TIPRL: variants seen among roughly 807,000 people sequenced by gnomAD.
TIPRL encodes the protein TIP41-like protein.
Under a neutral mutation model 32.3 loss-of-function variants are expected in TIPRL, and 10 were observed. That is an observed-to-expected ratio of 0.31 (90% CI 0.19 to 0.52). The LOEUF (loss-of-function observed/expected upper bound fraction) is 0.52. TIPRL is among the 20% of genes least tolerant of loss of function. The probability of loss-of-function intolerance (pLI) is 0.96; values close to 1 mark genes in which losing one functional copy is unlikely to be tolerated. For missense variants in TIPRL, 250 were observed against 328.1 expected, an observed-to-expected ratio of 0.76 and a Z score of 1.84; for synonymous variants, 100 against 114.0, an observed-to-expected ratio of 0.88 and a Z score of 0.78.
intron 4 of TIPRL, among the ~76,000 whole-genome samples, chr1:168,195,044 A>C (rs1700137544): frequency 6.6e-6 from 1 of 152,244 alleles, no homozygotes; most frequent in East Asian, 1.9e-4. Flanking sequence ...AGTGAACATT[A>C]GCCGGGAGAA....
Position 168,199,903 on chromosome 1 carries a change from C to A in TIPRL, c.676C>A (p.His226Asn). 1.2e-6 allele frequency: 2 copies of A among 1,611,174 alleles called. No homozygotes were observed. The highest frequency in any genetic ancestry group is 1.7e-6 in the Non-Finnish European group (2 of 1,178,756). Residue 226 changes from histidine to asparagine, a missense_variant and splice_region_variant, in exon 7 of 7, where the codon CAT becomes AAT. His to Asn is a moderately conservative substitution (Grantham distance 68, BLOSUM62 1). Transcript: ENST00000367833. ...SRESKISSLM[H>N]VPPSLFTEPN... Reference sequence around the variant, plus strand: ...CTAATATGATTTATGTATTTCCTAGCATGTTCCACCTTCCCTCTTCACGGA... The same window carrying A: ...CTAATATGATTTATGTATTTCCTAGAATGTTCCACCTTCCCTCTTCACGGA...
At position 168,200,169 on chromosome 1, in the gene TIPRL, GA is replaced by G. The variant is rs201890300; in HGVS notation, c.*132del. 1.6e-3 allele frequency: 1,659 copies of G among 1,058,920 alleles called. 6 individuals carry two copies. Among genetic ancestry groups the G allele is most frequent in the Non-Finnish European group, 1.9e-3 (1,451 of 774,790 alleles). 65.6% of individuals were successfully genotyped at this position (1,058,920 alleles called of 1,614,324 possible). On this transcript the variant is annotated 3_prime_UTR_variant, in exon 7 of 7. Transcript: ENST00000367833. ...GTACAGATTTTCTGTAGCCTTAAAG[GA>G]AAAAAAAATAAAGATCGTTACAGGC... is the stretch of plus-strand genomic sequence containing the variant.
At position 168,201,273 on chromosome 1, in the gene TIPRL, A is replaced by T. The variant is rs891884043; in HGVS notation, c.*1227A>T. 11 of 152,074 alleles carry T rather than the reference A, an allele frequency of 7.2e-5. No individual in the cohort carries two copies. The highest frequency in any genetic ancestry group is 2.7e-4 in the African/African-American group (11 of 41,426). The allele number at this position is 152,074 out of a possible 1,614,324, so 9.4% of individuals were successfully genotyped here. ...AGGGGGAAAATTCACCCCTTTTCTG[A>T]TTTGAAATATGTTGTACATATTTCC... is the stretch of plus-strand genomic sequence containing the variant. On this transcript the variant is annotated 3_prime_UTR_variant, in exon 7 of 7. Transcript: ENST00000367833.
In TIPRL at chr1:168,201,248, A is replaced by G. The variant is rs1311211359; in HGVS notation, c.*1202A>G. ...TTTTAAAAATATTTTTTTGAAGGGC[A>G]GGGGGAAAATTCACCCCTTTTCTGA... On this transcript the variant is annotated 3_prime_UTR_variant, in exon 7 of 7. Coordinates refer to ENST00000367833, the MANE Select transcript of TIPRL (RefSeq NM_152902.5). 6.6e-6 allele frequency: 1 copy of G among 152,144 alleles called. No homozygotes were observed. The highest frequency in any genetic ancestry group is 1.5e-5 in the Non-Finnish European group (1 of 67,994). 9.4% of individuals were successfully genotyped at this position (152,144 alleles called of 1,614,324 possible). A position where few individuals can be genotyped will look rare whatever the true frequency, so the allele number is the denominator to read the frequency against.
rs368864556 is a variant in TIPRL, at chr1:168,200,018, A to T, written c.791A>T (p.Asp264Val). The change falls in exon 7 of 7, where the codon GAC becomes GTC. Residue 264 changes from aspartate (D) to valine (V), a missense_variant. Asp to Val is a radical substitution (Grantham distance 152). Transcript: ENST00000367833. ...GAAAGAATTGATCCTAACCCAGCAG[A>T]CTCACAAAAAAGTACACAAGTGGAA... ...FPERIDPNPA[D>V]SQKSTQVE The T allele has an allele frequency of 6.0e-5, 96 of 1,613,396 alleles. No homozygotes were observed. Among genetic ancestry groups the T allele is most frequent in the Non-Finnish European group, 7.7e-5 (91 of 1,179,700 alleles).
Position 168,179,137 on chromosome 1 carries a change from G to T in TIPRL, c.60G>T (p.Leu20=). The T allele has an allele frequency of 6.2e-7, 1 of 1,614,076 alleles. No individual in the cohort carries two copies. Among genetic ancestry groups the T allele is most frequent in the Non-Finnish European group, 8.5e-7 (1 of 1,179,968 alleles). The change falls in exon 1 of 7, where the codon CTG becomes CTT. Residue 20 remains leucine, a synonymous_variant. Transcript: ENST00000367833. The part of the protein sequence containing the change: ...HRDFCFGPWK[L]TASKTHIMKS... ...ATTTCTGCTTCGGGCCCTGGAAGCTGACGGCGTCCAAGACCCACATCATGA... is the reference window on the plus strand; with the variant it reads ...ATTTCTGCTTCGGGCCCTGGAAGCTTACGGCGTCCAAGACCCACATCATGA...
chr1:168,190,539 G>A (rs1225695684), intron 3 of TIPRL, among the ~76,000 whole-genome samples: 4 of 152,116 alleles, frequency 2.6e-5, no homozygotes, highest in South Asian at 2.1e-4. Flanking sequence ...TAATCATGAC[G>A]CTTAAGTAAA....
intron 3 of TIPRL, among the ~76,000 whole-genome samples, chr1:168,189,564 T>G: frequency 6.6e-6 from 1 of 152,196 alleles, no homozygotes; most frequent in East Asian, 1.9e-4. Context: ...TAGGCTGGTC[T>G]CAAACTCCTG....
chr1:168,184,181 T>C (rs911704960), intron 2 of TIPRL, 100 bp downstream of exon 2: 6 of 1,058,150 alleles, frequency 5.7e-6, no homozygotes, highest in African/African-American at 3.2e-5. Context: ...TGTGTGTTGT[T>C]AGAATGAAGG....
intron 3 of TIPRL, among the ~76,000 whole-genome samples, chr1:168,189,813 T>G (rs1204192627): frequency 6.6e-6 from 1 of 152,228 alleles, no homozygotes; most frequent in Non-Finnish European, 1.5e-5. Flanking sequence ...ATATGATATC[T>G]CTAACTCATG....
chr1:168,194,042 C>T (rs1700126347), intron 4 of TIPRL, among the ~76,000 whole-genome samples: 1 of 152,106 alleles, frequency 6.6e-6, no homozygotes, highest in Non-Finnish European at 1.5e-5. Flanking sequence ...AAATGATGAA[C>T]AACTCTTAGT....
At chr1:168,182,698 G>A (rs1699983059) in intron 1 of TIPRL, among the ~76,000 whole-genome samples, 1 of 152,200 alleles carries the variant, frequency 6.6e-6, no homozygotes, top group African/African-American at 2.4e-5. Context: ...CTGTAAATTA[G>A]TAACAGTGAT....
At chr1:168,189,346 A>C (rs762615217) in intron 3 of TIPRL, among the ~76,000 whole-genome samples, 1 of 151,954 alleles carries the variant, frequency 6.6e-6, no homozygotes, top group Non-Finnish European at 1.5e-5. Flanking sequence ...ACTGTTCCAT[A>C]TGTTTTTTAT....
At chr1:168,197,218 T>G (rs970921002) in intron 5 of TIPRL, among the ~76,000 whole-genome samples, 3 of 150,844 alleles carry the variant, frequency 2.0e-5, no homozygotes, top group African/African-American at 4.9e-5. Flanking sequence ...CTTGGGAGGC[T>G]GAGGTGGGAG....
At chr1:168,188,850 A>G (rs1027678716) in intron 3 of TIPRL, among the ~76,000 whole-genome samples, 1 of 152,152 alleles carries the variant, frequency 6.6e-6, no homozygotes, top group African/African-American at 2.4e-5. Flanking sequence ...GCGTTGTGGC[A>G]TGTGTGTGTA....
At position 168,179,060 on chromosome 1, in the gene TIPRL, G is replaced by A. The variant is rs1699926759; in HGVS notation, c.-18G>A. ...CTTCAGCTTATTCCTTGTGGCCTCTGCGGGTCCTGCCTCAGCCATGATGAT... is the reference window on the plus strand; with the variant it reads ...CTTCAGCTTATTCCTTGTGGCCTCTACGGGTCCTGCCTCAGCCATGATGAT... On this transcript the variant is annotated 5_prime_UTR_variant, in exon 1 of 7. Transcript: ENST00000367833. The A allele has an allele frequency of 1.2e-6, 2 of 1,611,786 alleles. No homozygotes were observed. Among genetic ancestry groups the A allele is most frequent in the Non-Finnish European group, 1.7e-6 (2 of 1,178,354 alleles).
intron 1 of TIPRL, among the ~76,000 whole-genome samples, chr1:168,182,923 G>T (rs1409285101): frequency 6.6e-6 from 1 of 151,990 alleles, no homozygotes; most frequent in African/African-American, 2.4e-5. Flanking sequence ...TAATAACAAA[G>T]AATAAATTTT....
chr1:168,183,377 A>ATTTTTTTTTTTTT (rs55731463), intron 1 of TIPRL, among the ~76,000 whole-genome samples: 1 of 129,786 alleles, frequency 7.7e-6, no homozygotes, highest in African/African-American at 3.0e-5. Context: ...AATTCCTGTG[A>ATTTTTTTTTTTTT]TTTTTTTTTT....
Position 168,201,024 on chromosome 1 carries a change from G to T in TIPRL, c.*978G>T, listed in dbSNP as rs1216869687. On this transcript the variant is annotated 3_prime_UTR_variant, in exon 7 of 7. Coordinates refer to ENST00000367833, the MANE Select transcript of TIPRL (RefSeq NM_152902.5). ...AGGTGCATATTTGTAACATTACAGGGGATGAAGTAAAATGTAATTAATTAG... is the reference window on the plus strand; with the variant it reads ...AGGTGCATATTTGTAACATTACAGGTGATGAAGTAAAATGTAATTAATTAG... 6.6e-6 allele frequency: 1 copy of T among 152,002 alleles called. No individual in the cohort carries two copies. The highest frequency in any genetic ancestry group is 1.5e-5 in the Non-Finnish European group (1 of 67,956). The allele number at this position is 152,002 out of a possible 1,614,324, so 9.4% of individuals were successfully genotyped here.
Sources: allele counts gnomAD v4.1 joint callset (sites outside exome capture counted in the v4.1 genomes callset), GRCh38; gene constraint gnomAD v4.1.1; transcripts MANE v1.5; gene names NCBI Gene and HGNC (gene_info 2026-07-23, HGNC 2026-07-21).